ZNF804A: variants seen among roughly 807,000 people sequenced by gnomAD.
ZNF804A encodes the protein zinc finger protein 804A.
A neutral mutation model predicts 16.5 loss-of-function variants in ZNF804A; 2 were observed. That is an observed-to-expected ratio of 0.12 (90% CI 0.05 to 0.38). The LOEUF (loss-of-function observed/expected upper bound fraction) is 0.38, where lower values mean the gene tolerates loss of function less well. Ranked by LOEUF, ZNF804A falls within the 10% of genes least tolerant of loss-of-function variation. The pLI, the probability that ZNF804A is intolerant of heterozygous loss-of-function variation, is 0.99. For missense variants in ZNF804A, 1,473 were observed against 1,390.7 expected (o/e 1.06, Z -0.94); for synonymous variants, 534 against 489.6 (o/e 1.09, Z -1.20).
At chr2:184,719,671 C>A (rs889265747) in intron 1 of ZNF804A, among the ~76,000 whole-genome samples, 4 of 152,288 alleles carry the variant, frequency 2.6e-5, no homozygotes, top group Middle Eastern at 3.4e-3. Flanking sequence ...TTTCCTAAAA[C>A]ATATCAAGGG....
intron 1 of ZNF804A, among the ~76,000 whole-genome samples, chr2:184,668,592 A>G (rs190109503): frequency 6.6e-6 from 1 of 151,960 alleles, no homozygotes. Context: ...CAGAAGGTTC[A>G]AAAACTCTTG....
intron 1 of ZNF804A, among the ~76,000 whole-genome samples, chr2:184,706,803 A>G (rs779386799): frequency 3.3e-5 from 5 of 152,208 alleles, no homozygotes; most frequent in Non-Finnish European, 2.9e-5. Context: ...TCAATATATC[A>G]TGTGTTTAAA....
At chr2:184,823,322 C>G (rs1482943618) in intron 1 of ZNF804A, among the ~76,000 whole-genome samples, 1 of 152,024 alleles carries the variant, frequency 6.6e-6, no homozygotes, top group African/African-American at 2.4e-5. Context: ...CCTAAGAACT[C>G]CAGTTCTTAA....
intron 1 of ZNF804A, among the ~76,000 whole-genome samples, chr2:184,607,904 A>AAC (rs1203782510): frequency 6.8e-6 from 1 of 147,978 alleles, no homozygotes; most frequent in African/African-American, 2.5e-5. Context: ...AAACAAGGTT[A>AAC]ACTGCACACC....
At chr2:184,731,449 T>C (rs192584258) in intron 1 of ZNF804A, among the ~76,000 whole-genome samples, 14 of 152,066 alleles carry the variant, frequency 9.2e-5, no homozygotes, top group Non-Finnish European at 1.5e-4. Context: ...AGTGATGTTA[T>C]AGCGTTGTTT....
At chr2:184,740,851 G>C (rs1392072356) in intron 1 of ZNF804A, among the ~76,000 whole-genome samples, 1 of 152,110 alleles carries the variant, frequency 6.6e-6, no homozygotes, top group African/African-American at 2.4e-5. Flanking sequence ...CTGTGAGAGA[G>C]AGCTTTAGGA....
At position 184,718,526 on chromosome 2, in the gene ZNF804A, T is replaced by G. The variant is rs1035269089; in HGVS notation, c.111+119456T>G. Among the ~76,000 whole-genome samples, 4 of 152,100 alleles carry G rather than the reference T, an allele frequency of 2.6e-5. 1 individual carries two copies. The highest frequency in any genetic ancestry group is 5.9e-5 in the Non-Finnish European group (4 of 68,028). ...TGAGCCTATGAAATAAAAAGCAAGT[T>G]AGTTACTTCCTAGATACAATGGGGG... On this transcript the variant is annotated intron_variant, in intron 1 of 3. Transcript: ENST00000302277.
intron 1 of ZNF804A, among the ~76,000 whole-genome samples, chr2:184,742,392 G>A (rs1693721257): frequency 6.6e-6 from 1 of 151,922 alleles, no homozygotes; most frequent in Non-Finnish European, 1.5e-5. Flanking sequence ...TCAGACGAAA[G>A]TACCTGACAG....
intron 1 of ZNF804A, among the ~76,000 whole-genome samples, chr2:184,686,133 A>C (rs1371440583): frequency 6.6e-6 from 1 of 152,200 alleles, no homozygotes; most frequent in African/African-American, 2.4e-5. Flanking sequence ...AGGAACAGGC[A>C]CTTCTGAGCT....
intron 1 of ZNF804A, among the ~76,000 whole-genome samples, chr2:184,744,634 C>G (rs1357146740): frequency 6.6e-6 from 1 of 151,868 alleles, no homozygotes; most frequent in Admixed American, 6.6e-5. Flanking sequence ...TTAAGCCACC[C>G]ATTTTATAGT....
chr2:184,854,706 G>A (rs569644889), intron 1 of ZNF804A, among the ~76,000 whole-genome samples: 1 of 152,108 alleles, frequency 6.6e-6, no homozygotes, highest in South Asian at 2.1e-4. Context: ...CTGTTGAAGT[G>A]CTATAATGAA....
intron 1 of ZNF804A, among the ~76,000 whole-genome samples, chr2:184,787,034 G>A (rs1694458988): frequency 6.6e-6 from 1 of 151,640 alleles, no homozygotes; most frequent in South Asian, 2.1e-4. Context: ...TAATGGTTGG[G>A]GTTGGGCTTC....
chr2:184,680,601 C>T (rs1258162500), intron 1 of ZNF804A, among the ~76,000 whole-genome samples: 11 of 152,254 alleles, frequency 7.2e-5, no homozygotes, highest in Admixed American at 3.9e-4. Flanking sequence ...TGGAAAGGAG[C>T]TAACACTTGC....
At position 184,799,148 on chromosome 2, in the gene ZNF804A, G is replaced by C. The variant is rs188497947; in HGVS notation, c.112-67221G>C. Among the ~76,000 whole-genome samples the C allele has an allele frequency of 3.3e-5, 5 of 152,222 alleles. No individual in the cohort carries two copies. The East Asian group carries it at 9.7e-4, about 30-fold the overall frequency. On this transcript the variant is annotated intron_variant, in intron 1 of 3. Coordinates refer to ENST00000302277, the MANE Select transcript of ZNF804A (RefSeq NM_194250.2). ...TCCCAGGTCCTGGAGGAGCACTCTA[G>C]AGGGTCTGTGGGTCCTTTGGAGATT... is the stretch of plus-strand genomic sequence containing the variant.
intron 1 of ZNF804A, among the ~76,000 whole-genome samples, chr2:184,712,696 C>T (rs904532925): frequency 3.3e-5 from 5 of 151,678 alleles, no homozygotes; most frequent in African/African-American, 1.2e-4. Flanking sequence ...TTCTCTTAAA[C>T]TTTCTTCACT....
intron 1 of ZNF804A, among the ~76,000 whole-genome samples, chr2:184,612,774 T>C (rs1027169038): frequency 5.9e-5 from 9 of 152,176 alleles, no homozygotes; most frequent in African/African-American, 2.2e-4. Flanking sequence ...CACACAAAGC[T>C]TTTTCACAGG....
intron 2 of ZNF804A, among the ~76,000 whole-genome samples, chr2:184,920,008 G>A (rs896306433): frequency 2.0e-5 from 3 of 152,032 alleles, no homozygotes; most frequent in African/African-American, 7.3e-5. Context: ...CCATCTACTC[G>A]GGAGGCTGAG....
At chr2:184,678,840 G>A (rs967883827) in intron 1 of ZNF804A, among the ~76,000 whole-genome samples, 2 of 152,036 alleles carry the variant, frequency 1.3e-5, no homozygotes, top group African/African-American at 4.8e-5. Context: ...CAGTTGAGGG[G>A]GATCTCAGTG....
At chr2:184,699,764 T>C (rs1415310870) in intron 1 of ZNF804A, among the ~76,000 whole-genome samples, 1 of 152,072 alleles carries the variant, frequency 6.6e-6, no homozygotes, top group Admixed American at 6.6e-5. Flanking sequence ...CCAGGTAATA[T>C]TGTAAGTGAA....
Sources: allele counts gnomAD v4.1 joint callset (sites outside exome capture counted in the v4.1 genomes callset), GRCh38; gene constraint gnomAD v4.1.1; transcripts MANE v1.5; gene names NCBI Gene and HGNC (gene_info 2026-07-23, HGNC 2026-07-21).